Variants in COL4A5 observed in about 807,000 individuals in gnomAD.
The protein encoded by COL4A5 is collagen type IV alpha 5 chain.
A neutral mutation model predicts 130.2 loss-of-function variants in COL4A5; 26 were observed. The observed-to-expected ratio is 0.20, with a 90% CI of 0.15 to 0.28. The LOEUF is 0.28. Among genes scored for constraint, COL4A5 ranks in the 10% least tolerant of loss-of-function variants. The pLI is 1.00. For synonymous variants in COL4A5, 496 were observed against 439.6 expected (o/e 1.13, Z -1.60); for missense variants, 1,131 against 1,344.3 (o/e 0.84, Z 2.48).
At chrX:108,573,783 G>C (rs1349588357) in intron 9 of COL4A5, 129 bp downstream of exon 9, 1 of 502,783 alleles carries the variant, frequency 2.0e-6, no homozygotes, top group African/African-American at 2.3e-5. Flanking sequence ...GACATTACAT[G>C]TACTTTCTAC....
chrX:108,628,750 T>G (rs1443600715), intron 36 of COL4A5, among the ~76,000 whole-genome samples: 1 of 111,842 alleles, frequency 8.9e-6, no homozygotes, highest in Non-Finnish European at 1.9e-5. Flanking sequence ...GTTTGAAATT[T>G]TTACATAGGC....
intron 22 of COL4A5, among the ~76,000 whole-genome samples, chrX:108,595,905 G>A (rs988268216): frequency 8.9e-6 from 1 of 111,768 alleles, no homozygotes; most frequent in African/African-American, 3.3e-5. Flanking sequence ...CAGAATACTG[G>A]GAGAAAAGTT....
At position 108,535,741 on chromosome X, in the gene COL4A5, G is replaced by A. The variant is rs186123122; in HGVS notation, c.82-4005G>A. Reference sequence around the variant, plus strand: ...TTTGGCATATGTCCTCCGGGAAAAAGTAGTTTCATTGATCAGTTCATTTTT... The same window carrying A: ...TTTGGCATATGTCCTCCGGGAAAAAATAGTTTCATTGATCAGTTCATTTTT... On this transcript the variant is annotated intron_variant, in intron 1 of 52. Coordinates refer to ENST00000328300, the MANE Select transcript of COL4A5 (RefSeq NM_033380.3). Among the ~76,000 whole-genome samples the A allele has an allele frequency of 6.9e-3, 767 of 111,382 alleles. 3 individuals are homozygous for A. Among genetic ancestry groups the A allele is most frequent in the Non-Finnish European group, 8.8e-3 (468 of 52,905 alleles).
chrX:108,545,269 C>T (rs775567751), intron 2 of COL4A5, among the ~76,000 whole-genome samples: 5 of 111,445 alleles, frequency 4.5e-5, no homozygotes, highest in Admixed American at 1.9e-4. Context: ...TCCCTCTATA[C>T]ACTGCTTTAA....
chrX:108,506,344 CTAT>C (rs1439587042), intron 1 of COL4A5, among the ~76,000 whole-genome samples: 17 of 10,661 alleles, frequency 1.6e-3, no homozygotes, highest in Non-Finnish European at 2.8e-4. Flanking sequence ...ATTCTATCAT[CTAT>C]CTATCTATCT....
chrX:108,593,790 A>G (rs2066470830), intron 21 of COL4A5, among the ~76,000 whole-genome samples: 1 of 112,026 alleles, frequency 8.9e-6, no homozygotes, highest in Non-Finnish European at 1.9e-5. Context: ...TTGCACCAAT[A>G]CGATACTATC....
intron 31 of COL4A5, 47 bp downstream of exon 31, chrX:108,620,473 C>A: frequency 2.0e-6 from 2 of 995,885 alleles, no homozygotes; most frequent in Non-Finnish European, 2.8e-6. Flanking sequence ...GAAATTAAAA[C>A]TAATACGACT....
intron 1 of COL4A5, among the ~76,000 whole-genome samples, chrX:108,492,021 G>A (rs181829083): frequency 9.0e-6 from 1 of 111,706 alleles, no homozygotes; most frequent in Admixed American, 9.5e-5. Flanking sequence ...AGATGCTTTG[G>A]AGAATTAGAG....
At chrX:108,555,761 T>C (rs2065816546) in intron 2 of COL4A5, among the ~76,000 whole-genome samples, 1 of 111,932 alleles carries the variant, frequency 8.9e-6, no homozygotes, top group African/African-American at 3.2e-5. Flanking sequence ...GTAACACTTT[T>C]ATGGATGCCT....
chrX:108,612,757 A>G (rs2066859647), intron 29 of COL4A5, among the ~76,000 whole-genome samples: 1 of 111,983 alleles, frequency 8.9e-6, no homozygotes, highest in Non-Finnish European at 1.9e-5. Flanking sequence ...AGAACACACA[A>G]TTTTTCTTCT....
At chrX:108,560,921 C>T (rs2065890923) in intron 3 of COL4A5, among the ~76,000 whole-genome samples, 1 of 111,242 alleles carries the variant, frequency 9.0e-6, no homozygotes, top group Non-Finnish European at 1.9e-5. Flanking sequence ...CCACCACCAT[C>T]GAGGCCAAAA....
At chrX:108,688,843 A>T (rs1175474633) in intron 49 of COL4A5, among the ~76,000 whole-genome samples, 1 of 111,452 alleles carries the variant, frequency 9.0e-6, no homozygotes, top group East Asian at 2.8e-4. Flanking sequence ...GCTTCCTGAG[A>T]TCTCATTGTC....
At chrX:108,472,426 G>A (rs907563834) in intron 1 of COL4A5, among the ~76,000 whole-genome samples, 16 of 111,651 alleles carry the variant, frequency 1.4e-4, no homozygotes, top group Non-Finnish European at 2.8e-4. Flanking sequence ...ATTGATTTTC[G>A]AAGTATCCAA....
At chrX:108,622,601 A>G in intron 32 of COL4A5, 75 bp from the exon 33 acceptor site, 6 of 1,104,767 alleles carry the variant, frequency 5.4e-6, no homozygotes, top group Non-Finnish European at 7.5e-6. Flanking sequence ...TATGAAACAT[A>G]TCAATAATCT....
At chrX:108,503,006 A>T (rs770863519) in intron 1 of COL4A5, among the ~76,000 whole-genome samples, 41 of 112,232 alleles carry the variant, frequency 3.7e-4, no homozygotes, top group Non-Finnish European at 6.6e-4. Flanking sequence ...CGAAGAACCT[A>T]TGCCATCTGA....
At chrX:108,682,028 A>G (rs1051185590) in intron 47 of COL4A5, 140 bp downstream of exon 47, 1 of 590,175 alleles carries the variant, frequency 1.7e-6, no homozygotes, top group South Asian at 2.6e-5. Flanking sequence ...TCTACGTTAG[A>G]TATTTCTCCT....
chrX:108,650,510 A>T (rs1244437957), intron 36 of COL4A5, among the ~76,000 whole-genome samples: 1 of 112,128 alleles, frequency 8.9e-6, no homozygotes, highest in Admixed American at 9.5e-5. Flanking sequence ...CAGTTGCAAA[A>T]TTATGGAACC....
chrX:108,679,958 G>A (rs940583471), intron 44 of COL4A5, among the ~76,000 whole-genome samples: 5 of 112,069 alleles, frequency 4.5e-5, no homozygotes, highest in Non-Finnish European at 9.4e-5. Flanking sequence ...AGTAATCTGC[G>A]GATTGGGAAG....
chrX:108,691,283 T>C (rs1206771141), intron 49 of COL4A5, among the ~76,000 whole-genome samples: 2 of 110,702 alleles, frequency 1.8e-5, no homozygotes, highest in African/African-American at 6.6e-5. Context: ...TTAAAAAATA[T>C]ATTGTACATG....
Sources: allele counts gnomAD v4.1 joint callset (sites outside exome capture counted in the v4.1 genomes callset), GRCh38; gene constraint gnomAD v4.1.1; transcripts MANE v1.5; gene names NCBI Gene and HGNC (gene_info 2026-07-23, HGNC 2026-07-21).